The following MLC1 variants were observed in gnomAD, a reference collection of about 807,000 sequenced individuals.
The protein encoded by MLC1 is modulator of VRAC current 1.
In MLC1, 32 loss-of-function variants were observed where a neutral mutation model predicts 44.7. The observed-to-expected ratio is 0.72, with a 90% CI of 0.54 to 0.96. The LOEUF (loss-of-function observed/expected upper bound fraction) is 0.96. MLC1 is among the 40% of genes least tolerant of loss of function. The pLI, the probability that MLC1 is intolerant of heterozygous loss-of-function variation, is 0.00. For missense variants in MLC1, 459 were observed against 492.2 expected, an observed-to-expected ratio of 0.93 and a Z score of 0.64; for synonymous variants, 190 against 213.0, an observed-to-expected ratio of 0.89 and a Z score of 0.94.
In MLC1 at chr22:50,067,359, C is replaced by T. The variant is rs1157458202; in HGVS notation, c.894+1074G>A. Reference sequence around the variant, plus strand: ...ACCCCATTAGACAGTGACTCCATCCCCCGTCAGACAGTGACTCCATCCCCC... The same window carrying T: ...ACCCCATTAGACAGTGACTCCATCCTCCGTCAGACAGTGACTCCATCCCCC... On this transcript the variant is annotated intron_variant, in intron 10 of 11. Coordinates refer to ENST00000311597, the MANE Select transcript of MLC1 (RefSeq NM_015166.4). Among the ~76,000 whole-genome samples, 15 of 144,786 alleles carry T rather than the reference C, an allele frequency of 1.0e-4. No individual in the cohort carries two copies. The Admixed American group carries it at 1.0e-3, about 10-fold the overall frequency. 95.0% of individuals were successfully genotyped at this position (144,786 alleles called of 152,430 possible).
chr22:50,077,315 C>T, intron 6 of MLC1, 86 bp downstream of exon 6: 2 of 1,234,508 alleles, frequency 1.6e-6, no homozygotes, highest in Non-Finnish European at 2.3e-6. Context: ...GATCGGCCCT[C>T]CGAGGGTGAC....
At chr22:50,081,049 G>GAA (rs1555968066) in intron 3 of MLC1, among the ~76,000 whole-genome samples, 9 of 149,736 alleles carry the variant, frequency 6.0e-5, no homozygotes, top group African/African-American at 2.0e-4. Context: ...AAGAAAGAAA[G>GAA]AAAGAAAGAG....
intron 8 of MLC1, among the ~76,000 whole-genome samples, chr22:50,071,333 C>T (rs2061846464): frequency 6.6e-6 from 1 of 152,170 alleles, no homozygotes; most frequent in Non-Finnish European, 1.5e-5. Flanking sequence ...CTCAGGTGAT[C>T]CGCCCGCCTC....
chr22:50,085,168 T>C, intron 1 of MLC1, 187 bp downstream of exon 1: 23 of 1,344,354 alleles, frequency 1.7e-5, no homozygotes, highest in Non-Finnish European at 2.0e-5. Context: ...GGTGAGATTC[T>C]ACACTTTAAA....
At chr22:50,071,036 G>C (rs2061838936) in intron 8 of MLC1, among the ~76,000 whole-genome samples, 1 of 152,056 alleles carries the variant, frequency 6.6e-6, no homozygotes, top group South Asian at 2.1e-4. Flanking sequence ...GGCCGATGTG[G>C]TCCATGCCCA....
rs1352146711 is a variant in MLC1 at position 50,084,747 on chromosome 22, C to T, written c.156G>A (p.Trp52Ter). The T allele has an allele frequency of 6.2e-7, 1 of 1,614,000 alleles. No homozygotes were observed. The highest frequency in any genetic ancestry group is 8.5e-7 in the Non-Finnish European group (1 of 1,180,056). ...TCACCCCCATCAGCACAGAGAAGAC[C>T]CACGTCTTGTGGCTGAAGCAGGGGG... ...RLPPCFSHKT[W>*]VFSVLMGSCL... Residue 52 changes from tryptophan to a stop codon, truncating the protein, a stop_gained, in exon 2 of 12, where the codon TGG becomes TGA. Coordinates refer to ENST00000311597, the MANE Select transcript of MLC1 (RefSeq NM_015166.4). LOFTEE classifies it high-confidence loss of function.
chr22:50,083,186 G>C lies in MLC1; in HGVS notation c.178-13C>G. On this transcript the variant is annotated splice_polypyrimidine_tract_variant and intron_variant, in intron 2 of 11. Coordinates refer to ENST00000311597, the MANE Select transcript of MLC1 (RefSeq NM_015166.4). This position sits in a 1 kb window ranked among gnomAD's most constrained non-coding sequence, Gnocchi z 4.6. Reference sequence around the variant, plus strand: ...CCAGGAGGCAGCTCTGCAAGACAGCGACAGAATCCCAGGTTACAACGCGCC... The same window carrying C: ...CCAGGAGGCAGCTCTGCAAGACAGCCACAGAATCCCAGGTTACAACGCGCC... 1 of 1,611,970 alleles carries C rather than the reference G, an allele frequency of 6.2e-7. No individual in the cohort carries two copies. Among genetic ancestry groups the C allele is most frequent in the Non-Finnish European group, 8.5e-7 (1 of 1,178,134 alleles).
intron 11 of MLC1, among the ~76,000 whole-genome samples, chr22:50,061,866 C>G (rs573376032): frequency 3.4e-4 from 52 of 152,216 alleles, no homozygotes; most frequent in Non-Finnish European, 6.2e-4. Context: ...TGCATCCCCC[C>G]CCGCACACAC....
rs903750326 is a variant in MLC1, at chr22:50,059,649, C to T, written c.*1934G>A. 18 of 152,338 alleles carry T rather than the reference C, an allele frequency of 1.2e-4. No individual in the cohort carries two copies. The highest frequency in any genetic ancestry group is 1.9e-4 in the Non-Finnish European group (13 of 68,072). 9.4% of individuals were successfully genotyped at this position (152,338 alleles called of 1,614,324 possible). ...CCACCCCATTCCCAGGAGCAGACCC[C>T]GCCAGCCTCAAAGCTGCAGGGAGGT... On this transcript the variant is annotated 3_prime_UTR_variant, in exon 12 of 12. Coordinates refer to ENST00000311597, the MANE Select transcript of MLC1 (RefSeq NM_015166.4).
At chr22:50,084,016 T>C (rs2062216517) in intron 2 of MLC1, among the ~76,000 whole-genome samples, 1 of 151,822 alleles carries the variant, frequency 6.6e-6, no homozygotes, top group South Asian at 2.1e-4. Flanking sequence ...CTGTGGGTGC[T>C]GCAGGGGCTG....
rs940360579 is a variant in MLC1 at position 50,075,657 on chromosome 22, C to G, written c.597+1184G>C. Among the ~76,000 whole-genome samples, 2 of 146,826 alleles carry G rather than the reference C, an allele frequency of 1.4e-5. 1 individual carries two copies. Among genetic ancestry groups the G allele is most frequent in the Admixed American group, 1.4e-4 (2 of 14,378 alleles). ...CTCAGGAGGCAGAGGTTGCAGTGAACCAAGATCACACCACTGCACTCTAGC... is the reference window on the plus strand; with the variant it reads ...CTCAGGAGGCAGAGGTTGCAGTGAAGCAAGATCACACCACTGCACTCTAGC... On this transcript the variant is annotated intron_variant, in intron 7 of 11. Coordinates refer to ENST00000311597, the MANE Select transcript of MLC1 (RefSeq NM_015166.4).
intron 10 of MLC1, among the ~76,000 whole-genome samples, chr22:50,067,685 T>A (rs2061741506): frequency 1.0e-5 from 1 of 98,042 alleles, no homozygotes; most frequent in South Asian, 4.4e-4. Flanking sequence ...CCATCCCCCA[T>A]CAGGCAGTGA....
chr22:50,069,256 G>C (rs2061792539), intron 9 of MLC1, among the ~76,000 whole-genome samples: 1 of 149,932 alleles, frequency 6.7e-6, no homozygotes. Context: ...TTCAACTCCT[G>C]ACCTTGTGAT....
chr22:50,082,183 GCGGGCCAGAGGGGCA>G (rs2062160316), intron 3 of MLC1, among the ~76,000 whole-genome samples: 1 of 92,838 alleles, frequency 1.1e-5, no homozygotes, highest in East Asian at 3.5e-4. Flanking sequence ...TCCGCGGCTT[GCGGGCCAGAGGGGCA>G]TGGGGTCCGC....
In MLC1 at chr22:50,061,577, T is replaced by TG. The variant is rs769367827; in HGVS notation, c.*5dup. 1.2e-6 allele frequency: 2 copies of TG among 1,613,428 alleles called. No individual in the cohort carries two copies. Among genetic ancestry groups the TG allele is most frequent in the African/African-American group, 2.7e-5 (2 of 74,906 alleles). Reference sequence around the variant, plus strand: ...GGCGCTGCCACCCGGTTTCCGCGTCTGGGGGTCACTGGGCCATTTGCACCA... The same window carrying TG: ...GGCGCTGCCACCCGGTTTCCGCGTCTGGGGGGTCACTGGGCCATTTGCACCA... On this transcript the variant is annotated 3_prime_UTR_variant, in exon 12 of 12. Coordinates refer to ENST00000311597, the MANE Select transcript of MLC1 (RefSeq NM_015166.4).
Position 50,080,015 on chromosome 22 carries a change from G to C in MLC1, c.326C>G (p.Pro109Arg). 1 of 1,612,946 alleles carries C rather than the reference G, an allele frequency of 6.2e-7. No individual in the cohort carries two copies. The highest frequency in any genetic ancestry group is 8.5e-7 in the Non-Finnish European group (1 of 1,178,902). The change falls in exon 5 of 12, where the codon CCC (proline) becomes CGC (arginine). Residue 109 changes from proline (P) to arginine (R), a missense_variant. Physicochemically the swap from Pro to Arg is moderately radical, Grantham distance 103 (BLOSUM62 -2). Transcript: ENST00000311597. ...TVSRRNANVI[P>R]NFQILFVSTF... ...GGAAACAAACAATATCTGAAAGTTG[G>C]GAATCTGAAAAACAAGGCAGGAGGG... is the stretch of plus-strand genomic sequence containing the variant.
rs2062014488 is a variant in MLC1, at chr22:50,077,501, A to G, written c.425T>C (p.Ile142Thr). 1.9e-6 allele frequency: 3 copies of G among 1,612,948 alleles called. No individual in the cohort carries two copies. The highest frequency in any genetic ancestry group is 8.5e-7 in the Non-Finnish European group (1 of 1,179,710). The change falls in exon 6 of 12, where the codon ATC becomes ACC. Residue 142 changes from isoleucine (I) to threonine (T), a missense_variant and splice_region_variant. Transcript: ENST00000311597. ...KLVLNPSAIN[I>T]NFNLILLLLL... is the part of the protein sequence containing the mutation. ...GAGCAGCAGGATGAGGTTGAAGTTG[A>G]TCTGCCAAGGGGCACACACGCTTCA...
In MLC1 at chr22:50,080,033, C is replaced by G. The variant is rs376187466; in HGVS notation, c.322-14G>C. Reference sequence around the variant, plus strand: ...AAAGTTGGGAATCTGAAAAACAAGGCAGGAGGGGTTTTCCTTCTTTGAATA... The same window carrying G: ...AAAGTTGGGAATCTGAAAAACAAGGGAGGAGGGGTTTTCCTTCTTTGAATA... On this transcript the variant is annotated splice_polypyrimidine_tract_variant and intron_variant, in intron 4 of 11. Coordinates refer to ENST00000311597, the MANE Select transcript of MLC1 (RefSeq NM_015166.4). 52 of 1,588,106 alleles carry G rather than the reference C, an allele frequency of 3.3e-5. No homozygotes were observed. The African/African-American group carries it at 6.2e-4, about 19-fold the overall frequency.
chr22:50,082,072 C>A (rs2062155963), intron 3 of MLC1, among the ~76,000 whole-genome samples: 1 of 152,368 alleles, frequency 6.6e-6, no homozygotes, highest in South Asian at 2.1e-4. Flanking sequence ...CAGTCACCAA[C>A]AGTGTCCCTA....
Sources: gnomAD v4.1 joint callset for allele counts (sites outside exome capture counted in the v4.1 genomes callset) on GRCh38, gnomAD v4.1.1 for gene constraint, Gnocchi (gnomAD v3.1) non-coding constraint, MANE v1.5 for transcripts, NCBI Gene and HGNC (gene_info 2026-07-23, HGNC 2026-07-21) for gene names.